The following ARHGAP15 variants were observed in gnomAD, a reference collection of about 807,000 sequenced individuals.
ARHGAP15 encodes the protein Rho GTPase activating protein 15, also known as rho GTPase-activating protein 15.
Under a neutral mutation model 63.7 loss-of-function variants are expected in ARHGAP15, and 51 were observed. The ratio of observed to expected loss-of-function variants is 0.80; its 90% confidence interval spans 0.64 to 1.01. The LOEUF is 1.01. ARHGAP15 is among the 50% of genes least tolerant of loss of function. The pLI is 0.00. For synonymous variants in ARHGAP15, 191 were observed against 193.8 expected (o/e 0.99, Z 0.12); for missense variants, 560 against 564.6 (o/e 0.99, Z 0.08).
chr2:143,557,571 C>A (rs1315010000), intron 11 of ARHGAP15, among the ~76,000 whole-genome samples: 1 of 151,900 alleles, frequency 6.6e-6, no homozygotes, highest in African/African-American at 2.4e-5. Flanking sequence ...ACACATTTGT[C>A]AAAACCCATA....
At chr2:143,303,952 C>A (rs1683042294) in intron 6 of ARHGAP15, among the ~76,000 whole-genome samples, 1 of 152,026 alleles carries the variant, frequency 6.6e-6, no homozygotes, top group Non-Finnish European at 1.5e-5. Context: ...AGTCAGGAAA[C>A]AACAGGTGCT....
intron 9 of ARHGAP15, among the ~76,000 whole-genome samples, chr2:143,502,511 A>G (rs1248461291): frequency 6.6e-6 from 1 of 152,146 alleles, no homozygotes; most frequent in East Asian, 1.9e-4. Flanking sequence ...TCCTATAATC[A>G]GTTATTACAG....
At chr2:143,354,656 A>G (rs1424542460) in intron 6 of ARHGAP15, among the ~76,000 whole-genome samples, 1 of 152,092 alleles carries the variant, frequency 6.6e-6, no homozygotes, top group African/African-American at 2.4e-5. Context: ...TTAAATTAGG[A>G]GGTGTTAATT....
At chr2:143,734,826 A>G (rs1305469260) in intron 13 of ARHGAP15, among the ~76,000 whole-genome samples, 2 of 152,176 alleles carry the variant, frequency 1.3e-5, no homozygotes, top group East Asian at 3.9e-4. Flanking sequence ...GTGATTTGCA[A>G]GTGAGTAGGA....
intron 6 of ARHGAP15, among the ~76,000 whole-genome samples, chr2:143,360,963 T>C (rs1179444678): frequency 2.6e-5 from 4 of 152,164 alleles, no homozygotes; most frequent in African/African-American, 7.2e-5. Flanking sequence ...ACATTAACAA[T>C]GGGAAATGTC....
At chr2:143,677,510 C>T (rs770897743) in intron 12 of ARHGAP15, among the ~76,000 whole-genome samples, 31 of 152,192 alleles carry the variant, frequency 2.0e-4, no homozygotes, top group East Asian at 5.8e-4. Flanking sequence ...CATATCACCC[C>T]TCCTAGTTGG....
At chr2:143,503,403 T>C (rs997106622) in intron 9 of ARHGAP15, among the ~76,000 whole-genome samples, 2 of 152,180 alleles carry the variant, frequency 1.3e-5, no homozygotes, top group African/African-American at 4.8e-5. Context: ...TGCAGAACCA[T>C]AAAGATTACC....
chr2:143,567,525 G>C (rs1696279002), intron 11 of ARHGAP15, among the ~76,000 whole-genome samples: 1 of 152,140 alleles, frequency 6.6e-6, no homozygotes, highest in Admixed American at 6.5e-5. Flanking sequence ...TCCACCTGAA[G>C]TAACTGTCTT....
At chr2:143,224,011 G>A (rs1208473524) in intron 4 of ARHGAP15, among the ~76,000 whole-genome samples, 2 of 152,102 alleles carry the variant, frequency 1.3e-5, no homozygotes, top group East Asian at 3.9e-4. Flanking sequence ...TCTCTTTTCA[G>A]CCCTTAGAAT....
At chr2:143,248,847 A>G (rs1182064916) in intron 5 of ARHGAP15, among the ~76,000 whole-genome samples, 3 of 152,164 alleles carry the variant, frequency 2.0e-5, no homozygotes, top group Admixed American at 6.5e-5. Context: ...GTACGTAGGT[A>G]AGTACCTGGA....
At chr2:143,536,676 A>C (rs1235568107) in intron 10 of ARHGAP15, among the ~76,000 whole-genome samples, 1 of 151,910 alleles carries the variant, frequency 6.6e-6, no homozygotes, top group Non-Finnish European at 1.5e-5. Context: ...TTCCACCTTC[A>C]TCCATGTCCC....
intron 9 of ARHGAP15, among the ~76,000 whole-genome samples, chr2:143,488,369 T>C: frequency 6.6e-6 from 1 of 152,238 alleles, no homozygotes; most frequent in South Asian, 2.1e-4. Context: ...GATGAATGGA[T>C]AGATAGAACC....
At chr2:143,449,161 A>G (rs913861556) in intron 8 of ARHGAP15, among the ~76,000 whole-genome samples, 3 of 152,040 alleles carry the variant, frequency 2.0e-5, no homozygotes, top group Non-Finnish European at 4.4e-5. Flanking sequence ...TAAGTCAGAA[A>G]TTCTGAACTC....
chr2:143,458,831 A>G (rs149944156), intron 8 of ARHGAP15, among the ~76,000 whole-genome samples: 3 of 152,212 alleles, frequency 2.0e-5, no homozygotes, highest in African/African-American at 7.2e-5. Flanking sequence ...AAATATTTGC[A>G]ATACTTGGAT....
At chr2:143,750,866 T>G (rs1686345396) in intron 13 of ARHGAP15, among the ~76,000 whole-genome samples, 1 of 152,204 alleles carries the variant, frequency 6.6e-6, no homozygotes. Context: ...TATAAAGTAC[T>G]ATACAGATAT....
intron 8 of ARHGAP15, among the ~76,000 whole-genome samples, chr2:143,460,158 GT>G (rs1384399579): frequency 6.6e-6 from 1 of 152,058 alleles, no homozygotes; most frequent in Non-Finnish European, 1.5e-5. Flanking sequence ...ATAAATGTTT[GT>G]TTCCAATATC....
chr2:143,579,531 G>A (rs549685660), intron 11 of ARHGAP15, among the ~76,000 whole-genome samples: 2 of 152,244 alleles, frequency 1.3e-5, no homozygotes, highest in African/African-American at 4.8e-5. Flanking sequence ...GATATCAATT[G>A]TGCCCTTCAT....
At chr2:143,319,774 C>A (rs1041493369) in intron 6 of ARHGAP15, among the ~76,000 whole-genome samples, 3 of 152,046 alleles carry the variant, frequency 2.0e-5, no homozygotes, top group African/African-American at 7.2e-5. Flanking sequence ...GTGTTCTGTG[C>A]ACTTATGGTT....
chr2:143,435,562 T>G, intron 6 of ARHGAP15, 39 bp from the exon 7 acceptor site: 1 of 1,521,858 alleles, frequency 6.6e-7, no homozygotes, highest in Non-Finnish European at 8.7e-7. Context: ...CATAGTTTCT[T>G]TACCTGTCTA....
Sources: allele counts gnomAD v4.1 joint callset (sites outside exome capture counted in the v4.1 genomes callset), GRCh38; gene constraint gnomAD v4.1.1; transcripts MANE v1.5; gene names NCBI Gene and HGNC (gene_info 2026-07-23, HGNC 2026-07-21).